The following ARFIP1 variants were observed in gnomAD, a reference collection of about 807,000 sequenced individuals.
The protein encoded by ARFIP1 is ARF interacting protein 1.
ARFIP1 carries 24 observed loss-of-function variants against 42.5 expected under a neutral mutation model. The ratio of observed to expected loss-of-function variants is 0.57; its 90% CI spans 0.41 to 0.80. The LOEUF (loss-of-function observed/expected upper bound fraction) is 0.80. ARFIP1 is among the 30% of genes least tolerant of loss of function. The probability of loss-of-function intolerance (pLI) is 0.00; values close to 1 mark genes in which losing one functional copy is unlikely to be tolerated. For missense variants in ARFIP1, 354 were observed against 434.0 expected, an observed-to-expected ratio of 0.82 and a Z score of 1.64; for synonymous variants, 141 against 153.7, an observed-to-expected ratio of 0.92 and a Z score of 0.61.
chr4:152,808,186 G>C (rs1729136836), intron 1 of ARFIP1, among the ~76,000 whole-genome samples: 2 of 149,800 alleles, frequency 1.3e-5, no homozygotes, highest in African/African-American at 4.9e-5. Context: ...CTCCATGTTG[G>C]TCAGGCTGGT....
intron 2 of ARFIP1, among the ~76,000 whole-genome samples, chr4:152,861,348 C>T (rs1184869414): frequency 6.6e-6 from 1 of 152,158 alleles, no homozygotes; most frequent in African/African-American, 2.4e-5. Context: ...TCATTTGCAG[C>T]ATATACCTTT....
intron 5 of ARFIP1, among the ~76,000 whole-genome samples, chr4:152,873,994 C>T (rs1735114244): frequency 6.6e-6 from 1 of 152,132 alleles, no homozygotes; most frequent in Admixed American, 6.6e-5. Flanking sequence ...ACTATATCTG[C>T]CTCCTCCTTG....
At chr4:152,896,165 A>G (rs1326046235) in intron 8 of ARFIP1, among the ~76,000 whole-genome samples, 1 of 151,892 alleles carries the variant, frequency 6.6e-6, no homozygotes, top group Admixed American at 6.6e-5. Context: ...ATGGAAGGAG[A>G]TTTTAATTAG....
intron 2 of ARFIP1, among the ~76,000 whole-genome samples, chr4:152,833,787 A>G (rs1334331831): frequency 6.6e-6 from 1 of 152,250 alleles, no homozygotes; most frequent in Non-Finnish European, 1.5e-5. Context: ...CAGGAAGACA[A>G]ATACGGCATG....
chr4:152,907,500 C>G (rs1738461587), intron 8 of ARFIP1, among the ~76,000 whole-genome samples: 1 of 152,214 alleles, frequency 6.6e-6, no homozygotes, highest in South Asian at 2.1e-4. Context: ...ACTTTATCCT[C>G]TCTACTGTCC....
At chr4:152,819,039 C>A (rs1021295569) in intron 1 of ARFIP1, among the ~76,000 whole-genome samples, 1 of 152,180 alleles carries the variant, frequency 6.6e-6, no homozygotes, top group Non-Finnish European at 1.5e-5. Context: ...TTCACTTGCC[C>A]TGGTCGTGTA....
At chr4:152,787,487 C>G (rs535330442) in intron 1 of ARFIP1, among the ~76,000 whole-genome samples, 29 of 152,366 alleles carry the variant, frequency 1.9e-4, no homozygotes, top group Non-Finnish European at 3.5e-4. Flanking sequence ...CAGCCAGATG[C>G]ACCTACGCAA....
In ARFIP1 at chr4:152,863,646, A is replaced by C; in HGVS notation, c.134A>C (p.Glu45Ala). 1 of 1,611,372 alleles carries C rather than the reference A, an allele frequency of 6.2e-7. No individual in the cohort carries two copies. Among genetic ancestry groups the C allele is most frequent in the Non-Finnish European group, 8.5e-7 (1 of 1,177,800 alleles). ...TTACCATCTGGACTTGGTCTCTCAG[A>C]AACCCAAATTACATCTCATGGCTTT... ...HSLPSGLGLS[E>A]TQITSHGFDN... Residue 45 changes from glutamate (E) to alanine (A), a missense_variant, in exon 3 of 9, where the codon GAA (glutamate) becomes GCA (alanine). Physicochemically the swap from Glu to Ala is moderately radical, Grantham distance 107 (BLOSUM62 -1). Coordinates refer to ENST00000353617, the MANE Select transcript of ARFIP1 (RefSeq NM_001025595.3).
chr4:152,889,918 G>C (rs1172063953), intron 8 of ARFIP1, among the ~76,000 whole-genome samples: 1 of 129,682 alleles, frequency 7.7e-6, no homozygotes, highest in Non-Finnish European at 1.6e-5. Flanking sequence ...CTAATATATA[G>C]TGTATGTATA....
intron 1 of ARFIP1, among the ~76,000 whole-genome samples, chr4:152,790,937 C>A (rs1731115695): frequency 6.6e-6 from 1 of 150,940 alleles, no homozygotes; most frequent in Admixed American, 6.6e-5. Context: ...GAGGTTTTGC[C>A]AGGTTGCCCA....
At chr4:152,834,488 C>T (rs767006079) in intron 2 of ARFIP1, among the ~76,000 whole-genome samples, 1 of 152,208 alleles carries the variant, frequency 6.6e-6, no homozygotes. Context: ...GTATACATTC[C>T]CATTCCAAAA....
In ARFIP1 at chr4:152,808,316, T is replaced by TTTTTTTC. The variant is rs1554022728; in HGVS notation, c.-9-21308_-9-21307insTTTTTCT. The stretch of plus-strand genomic sequence containing the variant: ...TTTTTTTTTTTTTTTTTTTTTTTTT[T>TTTTTTTC]TGTAGCAGTAGTTTGTTGTGTTCTA... On this transcript the variant is annotated intron_variant, in intron 1 of 8. Transcript: ENST00000353617. 2.3e-5 allele frequency among the ~76,000 whole-genome samples: 3 copies of TTTTTTTC among 130,870 alleles called. 1 individual carries two copies. The highest frequency in any genetic ancestry group is 4.9e-5 in the Non-Finnish European group (3 of 60,836). 85.9% of individuals were successfully genotyped at this position (130,870 alleles called of 152,430 possible).
At chr4:152,789,639 A>G (rs936661528) in intron 1 of ARFIP1, among the ~76,000 whole-genome samples, 3 of 152,024 alleles carry the variant, frequency 2.0e-5, no homozygotes, top group African/African-American at 4.8e-5. Flanking sequence ...TTTTTTGTCT[A>G]TTCTCCCCTT....
At chr4:152,891,433 A>G (rs929937697) in intron 8 of ARFIP1, among the ~76,000 whole-genome samples, 36 of 152,364 alleles carry the variant, frequency 2.4e-4, no homozygotes, top group African/African-American at 8.4e-4. Context: ...ATTTAGAAGA[A>G]GACAGAGATC....
chr4:152,904,170 G>A lies in ARFIP1; in HGVS notation c.967-5894G>A, dbSNP rs1274050613. On this transcript the variant is annotated intron_variant, in intron 8 of 8. Coordinates refer to ENST00000353617, the MANE Select transcript of ARFIP1 (RefSeq NM_001025595.3). ...ATCAACCCATCACCTATATATATAT[G>A]TGTGTGTGTGTATATATATATATAT... is the stretch of plus-strand genomic sequence containing the variant. Among the ~76,000 whole-genome samples the A allele has an allele frequency of 2.3e-3, 74 of 32,162 alleles. No individual in the cohort carries two copies. In the South Asian group the frequency reaches 0.036, roughly 16 times the overall value. 21.1% of individuals were successfully genotyped at this position (32,162 alleles called of 152,430 possible). A position where few individuals can be genotyped will look rare whatever the true frequency, so the allele number is the denominator to read the frequency against.
chr4:152,844,634 A>T (rs192968592), intron 2 of ARFIP1, among the ~76,000 whole-genome samples: 5 of 151,184 alleles, frequency 3.3e-5, no homozygotes, highest in Admixed American at 3.3e-4. Context: ...AACCTATTTC[A>T]CCTCCTTAAA....
At chr4:152,816,289 A>G (rs1357994212) in intron 1 of ARFIP1, among the ~76,000 whole-genome samples, 2 of 152,232 alleles carry the variant, frequency 1.3e-5, no homozygotes, top group Non-Finnish European at 2.9e-5. Flanking sequence ...AGTTCTCGTG[A>G]TAATTTTTGA....
intron 8 of ARFIP1, among the ~76,000 whole-genome samples, chr4:152,897,317 GT>G (rs34316244): frequency 2.6e-4 from 39 of 147,436 alleles, no homozygotes; most frequent in East Asian, 1.8e-3. Context: ...AATTCATATA[GT>G]TTTTTTTTTT....
At chr4:152,813,156 A>G (rs1729601226) in intron 1 of ARFIP1, among the ~76,000 whole-genome samples, 1 of 152,240 alleles carries the variant, frequency 6.6e-6, no homozygotes. Flanking sequence ...ACAGTTACTT[A>G]TATAGCATTT....
Sources: gnomAD v4.1 joint callset for allele counts (sites outside exome capture counted in the v4.1 genomes callset) on GRCh38, gnomAD v4.1.1 for gene constraint, MANE v1.5 for transcripts, NCBI Gene and HGNC (gene_info 2026-07-23, HGNC 2026-07-21) for gene names.